Variants in EIF4G3 observed in about 807,000 individuals in gnomAD.
EIF4G3 encodes eukaryotic translation initiation factor 4 gamma 3, also known as eIF-4-gamma 3.
A neutral mutation model predicts 186.4 loss-of-function variants in EIF4G3; 34 were observed. That is an observed-to-expected ratio of 0.18 (90% CI 0.14 to 0.24). The LOEUF (loss-of-function observed/expected upper bound fraction) is 0.24, where lower values mean the gene tolerates loss of function less well. Ranked by LOEUF, EIF4G3 falls within the 10% of genes least tolerant of loss-of-function variation. EIF4G3 has a pLI of 1.00. For missense variants in EIF4G3, 1,536 were observed against 1,948.5 expected, an observed-to-expected ratio of 0.79 and a Z score of 3.99; for synonymous variants, 673 against 679.5, an observed-to-expected ratio of 0.99 and a Z score of 0.15.
chr1:20,993,219 G>C (rs373105913), intron 7 of EIF4G3, among the ~76,000 whole-genome samples: 17 of 152,262 alleles, frequency 1.1e-4, no homozygotes, highest in African/African-American at 4.1e-4. Flanking sequence ...CACTTGATTT[G>C]TGGGGACTCA....
chr1:21,147,191 G>C (rs1225072663), intron 2 of EIF4G3, among the ~76,000 whole-genome samples: 2 of 151,698 alleles, frequency 1.3e-5, no homozygotes, highest in Non-Finnish European at 2.9e-5. Context: ...GAACCCGGGA[G>C]GCGGAGGTTG....
At chr1:20,903,912 T>C (rs893568018) in intron 15 of EIF4G3, among the ~76,000 whole-genome samples, 4 of 152,192 alleles carry the variant, frequency 2.6e-5, no homozygotes, top group African/African-American at 9.7e-5. Context: ...ATAAAGTAGC[T>C]AAAAGAATAG....
chr1:21,068,411 C>A (rs1278474760), intron 3 of EIF4G3, among the ~76,000 whole-genome samples: 1 of 98,240 alleles, frequency 1.0e-5, no homozygotes, highest in Non-Finnish European at 2.5e-5. Context: ...CAGAATACTT[C>A]ACATGAACTT....
rs143289335 is a variant in EIF4G3, at chr1:20,810,250, G to A, written c.4744+488C>T. ...GATCACTGTAACCTCCGCCTCCTGG[G>A]TTCAAGCGATTCTCCTGCCTCAGCC... On this transcript the variant is annotated intron_variant, in intron 36 of 36. Transcript: ENST00000602326. The surrounding 1 kb of genome is among the most constrained non-coding windows in gnomAD (Gnocchi z 4.1). 1.3e-5 allele frequency among the ~76,000 whole-genome samples: 2 copies of A among 152,160 alleles called. No individual in the cohort carries two copies. The highest frequency in any genetic ancestry group is 4.8e-5 in the African/African-American group (2 of 41,530).
chr1:20,930,674 T>C (rs566223747), intron 14 of EIF4G3, among the ~76,000 whole-genome samples: 2 of 152,258 alleles, frequency 1.3e-5, no homozygotes, highest in Admixed American at 1.3e-4. Context: ...GCTGAGATTA[T>C]AGGCACATGC....
intron 14 of EIF4G3, among the ~76,000 whole-genome samples, chr1:20,925,396 A>G (rs549725368): frequency 1.4e-4 from 21 of 152,370 alleles, no homozygotes; most frequent in African/African-American, 5.0e-4. Context: ...ATAAATTATG[A>G]CAGTCTGGGA....
chr1:20,817,602 G>A (rs2061383504), intron 33 of EIF4G3, 64 bp from the exon 34 acceptor site: 2 of 1,097,648 alleles, frequency 1.8e-6, no homozygotes, highest in South Asian at 5.6e-5. Flanking sequence ...GTCATCCTGA[G>A]AGAAGAACAA....
chr1:21,094,598 A>C, intron 2 of EIF4G3, among the ~76,000 whole-genome samples: 1 of 135,298 alleles, frequency 7.4e-6, no homozygotes, highest in Admixed American at 7.5e-5. Flanking sequence ...AGGAAAGGGA[A>C]CATCACACAC....
At chr1:20,824,416 T>C (rs1200989541) in intron 33 of EIF4G3, among the ~76,000 whole-genome samples, 1 of 152,244 alleles carries the variant, frequency 6.6e-6, no homozygotes, top group African/African-American at 2.4e-5. Flanking sequence ...TTTTGTTGGC[T>C]GTCTTAGCTT....
Position 21,054,473 on chromosome 1 carries a change from AAAAAG to A in EIF4G3, c.-195-3484_-195-3480del, listed in dbSNP as rs200587418. Among the ~76,000 whole-genome samples the A allele has an allele frequency of 7.6e-3, 1,160 of 152,130 alleles. 17 individuals are homozygous for A. Among genetic ancestry groups the A allele is most frequent in the East Asian group, 0.024 (122 of 5,154 alleles). ...ACACCCAAGAATGATCAATAAAAAA[AAAAAG>A]AAAAGAAAAAGAAAAAAACAAAAAC... is the stretch of plus-strand genomic sequence containing the variant. On this transcript the variant is annotated intron_variant, in intron 3 of 36. Transcript: ENST00000602326.
intron 14 of EIF4G3, among the ~76,000 whole-genome samples, chr1:20,934,261 G>C (rs2095439545): frequency 6.6e-6 from 1 of 152,164 alleles, no homozygotes; most frequent in Non-Finnish European, 1.5e-5. Flanking sequence ...CTATATGTTA[G>C]TTGAATAGTG....
At chr1:21,171,835 A>T (rs923980033) in intron 2 of EIF4G3, among the ~76,000 whole-genome samples, 4 of 152,180 alleles carry the variant, frequency 2.6e-5, no homozygotes, top group African/African-American at 7.2e-5. Context: ...GCCAAACTCA[A>T]AACCAGATTT....
chr1:20,889,182 C>T (rs2085153999), intron 18 of EIF4G3, among the ~76,000 whole-genome samples: 1 of 152,122 alleles, frequency 6.6e-6, no homozygotes. Flanking sequence ...TACATCATTC[C>T]TATCTTATTC....
At chr1:21,008,123 AGAGTGAGAACCT>A (rs1258678097) in intron 4 of EIF4G3, among the ~76,000 whole-genome samples, 1 of 152,228 alleles carries the variant, frequency 6.6e-6, no homozygotes, top group African/African-American at 2.4e-5. Flanking sequence ...CCTGGGCGAC[AGAGTGAGAACCT>A]GTCTCAAACA....
chr1:21,159,601 G>A (rs557832064), intron 2 of EIF4G3, among the ~76,000 whole-genome samples: 85 of 152,104 alleles, frequency 5.6e-4, no homozygotes, highest in Non-Finnish European at 9.0e-4. Flanking sequence ...TTAGCCAAGC[G>A]TGGTGGCGCA....
chr1:21,172,611 C>T (rs747188661), intron 2 of EIF4G3, among the ~76,000 whole-genome samples: 22 of 152,182 alleles, frequency 1.4e-4, no homozygotes, highest in Non-Finnish European at 3.1e-4. Flanking sequence ...TGCAGTAGAG[C>T]GATCTCGGCT....
At chr1:20,851,160 T>A (rs1453540603) in intron 28 of EIF4G3, 98 bp downstream of exon 28, 10 of 1,061,296 alleles carry the variant, frequency 9.4e-6, no homozygotes, top group Non-Finnish European at 9.8e-6. Context: ...GTTGCTATTA[T>A]GTGTTAATTC....
chr1:20,839,909 CAAAAAA>C (rs58331252), intron 30 of EIF4G3, among the ~76,000 whole-genome samples: 13 of 128,500 alleles, frequency 1.0e-4, no homozygotes, highest in Non-Finnish European at 1.6e-4. Flanking sequence ...ATGAGCTTGG[CAAAAAA>C]AAAAAAAAAA....
At chr1:20,989,559 A>G (rs1490303186) in intron 7 of EIF4G3, among the ~76,000 whole-genome samples, 1 of 8,398 alleles carries the variant, frequency 1.2e-4, no homozygotes, top group African/African-American at 1.8e-4. Context: ...CTCCAACTCA[A>G]AAAAAAAAAA....
Sources: gnomAD v4.1 joint callset for allele counts (sites outside exome capture counted in the v4.1 genomes callset) on GRCh38, gnomAD v4.1.1 for gene constraint, Gnocchi (gnomAD v3.1) non-coding constraint, MANE v1.5 for transcripts, NCBI Gene and HGNC (gene_info 2026-07-23, HGNC 2026-07-21) for gene names.